The following CNTN4 variants were observed in gnomAD, a reference collection of about 807,000 sequenced individuals.
CNTN4 encodes contactin 4, also known as contactin-4.
A neutral mutation model predicts 122.5 loss-of-function variants in CNTN4; 77 were observed. That is an observed-to-expected ratio of 0.63 (90% CI 0.52 to 0.76). The LOEUF (loss-of-function observed/expected upper bound fraction) is 0.76, where lower values mean the gene tolerates loss of function less well. Among genes scored for constraint, CNTN4 ranks in the 30% least tolerant of loss-of-function variants. The pLI is 0.00. For missense variants in CNTN4, 1,256 were observed against 1,259.1 expected, an observed-to-expected ratio of 1.00 and a Z score of 0.04; for synonymous variants, 512 against 447.0, an observed-to-expected ratio of 1.15 and a Z score of -1.83.
chr3:2,420,566 G>A (rs969207960), intron 3 of CNTN4, among the ~76,000 whole-genome samples: 1 of 151,960 alleles, frequency 6.6e-6, no homozygotes, highest in Non-Finnish European at 1.5e-5. Context: ...CTACCGAGTA[G>A]CTGGGACTAC....
chr3:2,274,217 T>A (rs995877691), intron 2 of CNTN4, among the ~76,000 whole-genome samples: 19 of 152,184 alleles, frequency 1.2e-4, no homozygotes, highest in African/African-American at 4.3e-4. Context: ...AACCTGTCTC[T>A]ACTAAAAATA....
chr3:2,585,899 G>C (rs1317766019), intron 4 of CNTN4, among the ~76,000 whole-genome samples: 1 of 150,534 alleles, frequency 6.6e-6, no homozygotes, highest in Non-Finnish European at 1.5e-5. Context: ...AGCTAATGAG[G>C]CTAGCTAGGC....
At chr3:2,175,818 G>C (rs958964142) in intron 2 of CNTN4, among the ~76,000 whole-genome samples, 1 of 152,124 alleles carries the variant, frequency 6.6e-6, no homozygotes, top group African/African-American at 2.4e-5. Flanking sequence ...CAGAGTGATT[G>C]GACTAAAGCT....
At chr3:2,805,895 GTTTTGT>G (rs915039817) in intron 6 of CNTN4, among the ~76,000 whole-genome samples, 2 of 151,932 alleles carry the variant, frequency 1.3e-5, no homozygotes, top group East Asian at 1.9e-4. Flanking sequence ...TTTTTGTTTT[GTTTTGT>G]TTTTGTTTTT....
chr3:2,866,883 G>A lies in CNTN4; in HGVS notation c.586G>A (p.Val196Ile). 1 of 1,613,970 alleles carries A rather than the reference G, an allele frequency of 6.2e-7. No individual in the cohort carries two copies. Among genetic ancestry groups the A allele is most frequent in the Non-Finnish European group, 8.5e-7 (1 of 1,179,932 alleles). Residue 196 changes from valine (V) to isoleucine (I), a missense_variant, in exon 8 of 25, where the codon GTT becomes ATT. Coordinates refer to ENST00000418658, the MANE Select transcript of CNTN4 (RefSeq NM_175607.3). ...KSDVGNYTCV[V>I]TNTVTNHKVL... ...AGATGTTGGGAATTATACCTGTGTG[G>A]TTACCAATACCGTGACAAACCACAA...
At chr3:2,775,901 C>T (rs1177739331) in intron 6 of CNTN4, among the ~76,000 whole-genome samples, 1 of 152,158 alleles carries the variant, frequency 6.6e-6, no homozygotes, top group East Asian at 1.9e-4. Flanking sequence ...CAACACCTAG[C>T]ATTGGACCTG....
At chr3:2,662,655 A>C (rs143652672) in intron 4 of CNTN4, among the ~76,000 whole-genome samples, 23 of 152,314 alleles carry the variant, frequency 1.5e-4, no homozygotes, top group African/African-American at 5.5e-4. Context: ...GGGCAATATG[A>C]ACTTAGGCAA....
intron 3 of CNTN4, among the ~76,000 whole-genome samples, chr3:2,514,822 T>C: frequency 6.6e-6 from 1 of 152,310 alleles, no homozygotes. Context: ...GACATGTGAC[T>C]TAGCTGTCAT....
At chr3:2,111,005 G>C (rs1029157416) in intron 2 of CNTN4, among the ~76,000 whole-genome samples, 5 of 152,116 alleles carry the variant, frequency 3.3e-5, no homozygotes, top group African/African-American at 9.7e-5. Context: ...TCAAAATCCT[G>C]TGCTTAGAAT....
chr3:2,698,803 A>G (rs1240301783), intron 4 of CNTN4, among the ~76,000 whole-genome samples: 1 of 152,196 alleles, frequency 6.6e-6, no homozygotes, highest in Non-Finnish European at 1.5e-5. Flanking sequence ...GGATCACCTG[A>G]GGTCAGGAGT....
intron 7 of CNTN4, chr3:2,866,534 C>G: frequency 3.1e-6 from 4 of 1,303,896 alleles, no homozygotes; most frequent in East Asian, 2.8e-5. Context: ...ATCAGTGTAT[C>G]TTTTACTTCT....
At chr3:2,355,417 T>A (rs2150490598) in intron 3 of CNTN4, among the ~76,000 whole-genome samples, 1 of 152,258 alleles carries the variant, frequency 6.6e-6, no homozygotes, top group South Asian at 2.1e-4. Context: ...ACAGAAACCC[T>A]CTTAATTTAG....
chr3:2,357,922 A>G (rs986412709), intron 3 of CNTN4, among the ~76,000 whole-genome samples: 1 of 152,176 alleles, frequency 6.6e-6, no homozygotes. Context: ...AATACATCCT[A>G]TTTCATTTAG....
At position 2,774,774 on chromosome 3, in the gene CNTN4, C is replaced by A. The variant is rs147967116; in HGVS notation, c.358+29077C>A. 1.1e-3 allele frequency among the ~76,000 whole-genome samples: 161 copies of A among 152,268 alleles called. 1 individual carries two copies. The highest frequency in any genetic ancestry group is 3.8e-3 in the African/African-American group (158 of 41,560). ...GGAACCATTGTGTAACTGTATCCCACGAGACAACATCATTTGGTTTCAAGA... is the reference window on the plus strand; with the variant it reads ...GGAACCATTGTGTAACTGTATCCCAAGAGACAACATCATTTGGTTTCAAGA... On this transcript the variant is annotated intron_variant, in intron 6 of 24. Transcript: ENST00000418658.
chr3:2,105,921 G>A (rs2032402297), intron 2 of CNTN4, among the ~76,000 whole-genome samples: 1 of 152,250 alleles, frequency 6.6e-6, no homozygotes, highest in East Asian at 1.9e-4. Context: ...TGCAGTGGGA[G>A]TACAGGCACT....
At chr3:2,468,559 C>T (rs986219673) in intron 3 of CNTN4, among the ~76,000 whole-genome samples, 4 of 152,096 alleles carry the variant, frequency 2.6e-5, no homozygotes, top group African/African-American at 7.2e-5. Context: ...CTACATCAGT[C>T]AGAATGTGTT....
intron 3 of CNTN4, among the ~76,000 whole-genome samples, chr3:2,500,636 G>T (rs2076570091): frequency 6.6e-6 from 1 of 151,772 alleles, no homozygotes; most frequent in Non-Finnish European, 1.5e-5. Context: ...TTTAGGCTTT[G>T]TTTTTATTAA....
chr3:2,474,599 G>A (rs897337291), intron 3 of CNTN4, among the ~76,000 whole-genome samples: 1 of 152,136 alleles, frequency 6.6e-6, no homozygotes, highest in Non-Finnish European at 1.5e-5. Context: ...TAGTAATAAT[G>A]ATAATAGGAA....
At chr3:2,812,808 C>T (rs1375616425) in intron 6 of CNTN4, among the ~76,000 whole-genome samples, 1 of 152,100 alleles carries the variant, frequency 6.6e-6, no homozygotes. Context: ...ATTGTCCTGA[C>T]ATTAGAAGTG....
Sources: allele counts gnomAD v4.1 joint callset (sites outside exome capture counted in the v4.1 genomes callset), GRCh38; gene constraint gnomAD v4.1.1; transcripts MANE v1.5; gene names NCBI Gene and HGNC (gene_info 2026-07-23, HGNC 2026-07-21).